The following COPG1 variants were observed in gnomAD, a reference collection of about 807,000 sequenced individuals.
COPG1 encodes the protein coat protein complex I subunit gamma 1.
COPG1 carries 29 observed loss-of-function variants against 102.8 expected under a neutral mutation model. That is an observed-to-expected ratio of 0.28 (90% CI 0.21 to 0.38). The LOEUF is 0.38. COPG1 is among the 10% of genes least tolerant of loss of function. COPG1 has a pLI of 1.00. For synonymous variants in COPG1, 406 were observed against 421.6 expected (o/e 0.96, Z 0.45); for missense variants, 875 against 1,132.7 (o/e 0.77, Z 3.27).
At chr3:129,251,182 C>G (rs1424537737) in intron 2 of COPG1, among the ~76,000 whole-genome samples, 4 of 151,258 alleles carry the variant, frequency 2.6e-5, no homozygotes, top group Non-Finnish European at 4.4e-5. Context: ...CTCGGCCTCC[C>G]AAAGTGCTGG....
In COPG1 at chr3:129,249,662, G is replaced by A; in HGVS notation, c.-48G>A. The A allele has an allele frequency of 6.5e-7, 1 of 1,549,050 alleles. No individual in the cohort carries two copies. ...CACTGTGGCACCGCTACTCCGTGCC[G>A]CGCCCGTCGAGCATTGCGTTGCTGC... On this transcript the variant is annotated 5_prime_UTR_variant, in exon 1 of 24. Coordinates refer to ENST00000314797, the MANE Select transcript of COPG1 (RefSeq NM_016128.4).
At position 129,275,781 on chromosome 3, in the gene COPG1, A is replaced by G. The variant is rs1023706569; in HGVS notation, c.2494+489A>G. ...CAGCGGCATTAAGTACATTCACACT[A>G]TTGTAAAACTATGACCACCATCCAT... On this transcript the variant is annotated intron_variant, in intron 23 of 23. Coordinates refer to ENST00000314797, the MANE Select transcript of COPG1 (RefSeq NM_016128.4). The surrounding 1 kb of genome is among the most constrained non-coding windows in gnomAD (Gnocchi z 5.0). Among the ~76,000 whole-genome samples, 2 of 152,174 alleles carry G rather than the reference A, an allele frequency of 1.3e-5. No homozygotes were observed. The highest frequency in any genetic ancestry group is 2.9e-5 in the Non-Finnish European group (2 of 68,022).
rs747531098 is a variant in COPG1 at position 129,277,319 on chromosome 3, C to T, written c.2520C>T (p.Ile840=). 1 of 1,614,020 alleles carries T rather than the reference C, an allele frequency of 6.2e-7. No individual in the cohort carries two copies. Among genetic ancestry groups the T allele is most frequent in the Admixed American group, 1.7e-5 (1 of 60,004 alleles). ...GTGTGTTCCGGGGTGGTCATGACAT[C>T]CTGGTGCGCTCCCGGCTGCTGCTTT... is the stretch of plus-strand genomic sequence containing the variant. ...LAGVFRGGHD[I]LVRSRLLLLD... is the part of the protein sequence containing the mutation. Residue 840 remains isoleucine, a synonymous_variant, in exon 24 of 24, where the codon ATC becomes ATT. Transcript: ENST00000314797.
intron 16 of COPG1, 63 bp from the exon 17 acceptor site, chr3:129,268,432 T>C (rs1560067207): frequency 6.3e-7 from 1 of 1,576,502 alleles, no homozygotes; most frequent in Non-Finnish European, 8.6e-7. Context: ...AGGGCCTCCA[T>C]GGTGGTCCCT....
chr3:129,264,975 C>T (rs559090402), intron 13 of COPG1, among the ~76,000 whole-genome samples: 1 of 152,068 alleles, frequency 6.6e-6, no homozygotes, highest in South Asian at 2.1e-4. Context: ...GTGCCCCCCA[C>T]CACGCCCGGC....
intron 18 of COPG1, among the ~76,000 whole-genome samples, chr3:129,269,239 G>C (rs1256093594): frequency 6.6e-6 from 1 of 152,174 alleles, no homozygotes; most frequent in African/African-American, 2.4e-5. Context: ...GATCAAACTG[G>C]CTCAGTGCTG....
At position 129,268,479 on chromosome 3, in the gene COPG1, C is replaced by T. The variant is rs1182897388; in HGVS notation, c.1649-16C>T. 41 of 1,613,006 alleles carry T rather than the reference C, an allele frequency of 2.5e-5. No homozygotes were observed. Among genetic ancestry groups the T allele is most frequent in the Non-Finnish European group, 3.5e-5 (41 of 1,179,616 alleles). On this transcript the variant is annotated splice_polypyrimidine_tract_variant and intron_variant, in intron 16 of 23. Transcript: ENST00000314797. ...TGCTCTATCTGCCAGGCATGGTGAC[C>T]TCTCTTCACCTCCAGGTCTGACTGT...
chr3:129,261,268 A>T (rs7627631), intron 12 of COPG1, among the ~76,000 whole-genome samples: 2,174 of 152,196 alleles, frequency 0.014, 49 homozygotes, highest in African/African-American at 0.049. Flanking sequence ...TACAGCAGGG[A>T]TGATCCTAGG....
chr3:129,267,222 A>G lies in COPG1; in HGVS notation c.1544+123A>G. 6 of 663,134 alleles carry G rather than the reference A, an allele frequency of 9.0e-6. No individual in the cohort carries two copies. The South Asian group carries it at 1.2e-4, about 13-fold the overall frequency. The allele number at this position is 663,134 out of a possible 1,614,324, so 41.1% of individuals were successfully genotyped here. A position where few individuals can be genotyped will look rare whatever the true frequency, so the allele number is the denominator to read the frequency against. On this transcript the variant is annotated intron_variant, in intron 15 of 23. Transcript: ENST00000314797. ...AAAGTTATACAGCTACTGATTGTAG[A>G]AAAAAAAGAGAAAGCATAGAAAAGC...
Position 129,267,208 on chromosome 3 carries a change from G to C in COPG1, c.1544+109G>C. The C allele has an allele frequency of 4.1e-6, 3 of 740,084 alleles. No individual in the cohort carries two copies. In the South Asian group the frequency reaches 5.2e-5, roughly 13 times the overall value. 45.8% of individuals were successfully genotyped at this position (740,084 alleles called of 1,614,324 possible). A position where few individuals can be genotyped will look rare whatever the true frequency, so the allele number is the denominator to read the frequency against. ...TGAAAAGGGAGAGAAAAGTTATACA[G>C]CTACTGATTGTAGAAAAAAAAGAGA... On this transcript the variant is annotated intron_variant, in intron 15 of 23. Transcript: ENST00000314797.
In COPG1 at chr3:129,257,714, T is replaced by C. The variant is rs1304426968; in HGVS notation, c.738-13T>C. The C allele has an allele frequency of 9.3e-6, 15 of 1,613,664 alleles. No individual in the cohort carries two copies. Among genetic ancestry groups the C allele is most frequent in the African/African-American group, 1.3e-5 (1 of 74,930 alleles). On this transcript the variant is annotated splice_polypyrimidine_tract_variant and intron_variant, in intron 9 of 23. Transcript: ENST00000314797. ...CCCCCAACGTTTTCTTGCCACCCTA[T>C]GTTCTTTTGTAGCCGTGACAGCCCA...
chr3:129,273,620 C>T (rs928108201), intron 21 of COPG1, among the ~76,000 whole-genome samples: 5 of 152,168 alleles, frequency 3.3e-5, no homozygotes, highest in African/African-American at 1.2e-4. Flanking sequence ...ACTTTTCACT[C>T]CTTTAATGTT....
chr3:129,277,728 A>G lies in COPG1; in HGVS notation c.*304A>G, dbSNP rs1940308316. The stretch of plus-strand genomic sequence containing the variant: ...TCAACTCCTCTTGAATCTATCCCCC[A>G]AGAAACCATCTTATCCCTGTAATAA... On this transcript the variant is annotated 3_prime_UTR_variant, in exon 24 of 24. Coordinates refer to ENST00000314797, the MANE Select transcript of COPG1 (RefSeq NM_016128.4). 3.4e-6 allele frequency: 1 copy of G among 296,722 alleles called. No homozygotes were observed. The allele number at this position is 296,722 out of a possible 1,614,324, so 18.4% of individuals were successfully genotyped here.
chr3:129,257,690 C>A (rs753715514), intron 9 of COPG1, 37 bp from the exon 10 acceptor site: 1 of 1,613,140 alleles, frequency 6.2e-7, no homozygotes, highest in Non-Finnish European at 8.5e-7. Flanking sequence ...GCTGGGCCAC[C>A]CCCAACGTTT....
Position 129,260,264 on chromosome 3 carries a change from G to T in COPG1, c.872-69G>T, listed in dbSNP as rs569369828. The T allele has an allele frequency of 2.8e-6, 4 of 1,415,556 alleles. No homozygotes were observed. In the East Asian group the frequency reaches 9.1e-5, roughly 32 times the overall value. 87.7% of individuals were successfully genotyped at this position (1,415,556 alleles called of 1,614,324 possible). On this transcript the variant is annotated intron_variant, in intron 10 of 23. Coordinates refer to ENST00000314797, the MANE Select transcript of COPG1 (RefSeq NM_016128.4). ...TGAGCAGAGGGTTTGAGTCAGAACA[G>T]TAGCCCCCGGTTTTCCCAGCTGCCC...
At chr3:129,260,094 A>G in intron 10 of COPG1, 1 of 565,778 alleles carries the variant, frequency 1.8e-6, no homozygotes, top group Non-Finnish European at 3.2e-6. Context: ...CACCTGGCAC[A>G]CAGCAGATGC....
chr3:129,254,482 T>G, intron 5 of COPG1, 186 bp from the exon 6 acceptor site: 2 of 536,110 alleles, frequency 3.7e-6, no homozygotes, highest in East Asian at 3.1e-5. Flanking sequence ...GATGACCTGT[T>G]TGGTTTTGAG....
chr3:129,276,448 G>A (rs1940270766), intron 23 of COPG1, among the ~76,000 whole-genome samples: 1 of 152,106 alleles, frequency 6.6e-6, no homozygotes, highest in Admixed American at 6.5e-5. Context: ...CTTTTTTAAA[G>A]GACAATACAA....
chr3:129,275,094 C>T lies in COPG1; in HGVS notation c.2396-100C>T, dbSNP rs2107680152. Reference sequence around the variant, plus strand: ...AGGGCCATGTCTGGAGCACATATGTCAAATGCCACTTCATTAAAAGCCCTT... The same window carrying T: ...AGGGCCATGTCTGGAGCACATATGTTAAATGCCACTTCATTAAAAGCCCTT... On this transcript the variant is annotated intron_variant, in intron 22 of 23. Transcript: ENST00000314797. The surrounding 1 kb of genome is among the most constrained non-coding windows in gnomAD (Gnocchi z 5.0). 6.7e-7 allele frequency: 1 copy of T among 1,495,442 alleles called. No homozygotes were observed. The highest frequency in any genetic ancestry group is 9.3e-7 in the Non-Finnish European group (1 of 1,078,700). The allele number at this position is 1,495,442 out of a possible 1,614,324, so 92.6% of individuals were successfully genotyped here.
Sources: gnomAD v4.1 joint callset for allele counts (sites outside exome capture counted in the v4.1 genomes callset) on GRCh38, gnomAD v4.1.1 for gene constraint, Gnocchi (gnomAD v3.1) non-coding constraint, MANE v1.5 for transcripts, NCBI Gene and HGNC (gene_info 2026-07-23, HGNC 2026-07-21) for gene names.